AKAIN1: variants seen among roughly 807,000 people sequenced by gnomAD.
AKAIN1 encodes A-kinase anchor protein inhibitor 1.
A neutral mutation model predicts 3.7 loss-of-function variants in AKAIN1; 3 were observed. The observed-to-expected ratio is 0.82, with a 90% CI of 0.37 to 2.12. The LOEUF (loss-of-function observed/expected upper bound fraction) is 2.12. AKAIN1 is among the 30% of genes most tolerant of loss of function. The pLI is 0.06. For synonymous variants in AKAIN1, 31 were observed against 30.8 expected (o/e 1.01, Z -0.02); for missense variants, 82 against 82.7 (o/e 0.99, Z 0.03).
intron 1 of AKAIN1, among the ~76,000 whole-genome samples, chr18:5,156,857 T>C (rs419496): frequency 0.43 from 64,632 of 152,024 alleles, 15,961 homozygotes; most frequent in African/African-American, 0.69. Context: ...AAACTAATTC[T>C]TAATGATGAA....
upstream of AKAIN1, chr18:5,197,287 G>A: frequency 7.3e-7 from 1 of 1,371,212 alleles, no homozygotes; most frequent in Non-Finnish European, 9.3e-7. This position sits in a 1 kb window ranked among gnomAD's most constrained non-coding sequence, Gnocchi z 6.9. Context: ...GAGGAGGAGG[G>A]TGAATCCCCG....
chr18:5,156,656 CA>C (rs1424775161), intron 1 of AKAIN1, among the ~76,000 whole-genome samples: 1 of 152,170 alleles, frequency 6.6e-6, no homozygotes, highest in African/African-American at 2.4e-5. Flanking sequence ...TTAATCACAA[CA>C]GCCTCCATAT....
chr18:5,150,537 G>A (rs2071074224), intron 1 of AKAIN1, among the ~76,000 whole-genome samples: 2 of 152,194 alleles, frequency 1.3e-5, no homozygotes, highest in South Asian at 2.1e-4. Context: ...AATCGAGAAC[G>A]TGGTGTAACT....
intron 1 of AKAIN1, among the ~76,000 whole-genome samples, chr18:5,153,709 T>G (rs370995731): frequency 6.6e-6 from 1 of 152,248 alleles, no homozygotes; most frequent in Non-Finnish European, 1.5e-5. Context: ...GAAACAACTC[T>G]GTATGATAGA....
chr18:5,186,457 C>T (rs1012718648), intron 1 of AKAIN1, among the ~76,000 whole-genome samples: 9 of 152,046 alleles, frequency 5.9e-5, no homozygotes, highest in African/African-American at 2.2e-4. Context: ...GGGACACTCT[C>T]TAACAATAAA....
chr18:5,190,643 T>C (rs1429215619), intron 1 of AKAIN1, among the ~76,000 whole-genome samples: 2 of 152,148 alleles, frequency 1.3e-5, no homozygotes, highest in Non-Finnish European at 2.9e-5. Context: ...TATCATAGAC[T>C]GGGTAGCTTA....
intron 1 of AKAIN1, among the ~76,000 whole-genome samples, chr18:5,166,016 T>C (rs1427386008): frequency 6.6e-6 from 1 of 151,976 alleles, no homozygotes; most frequent in East Asian, 1.9e-4. Flanking sequence ...CCTCCAATAT[T>C]CAAATTTCTA....
chr18:5,188,029 G>T (rs2071297384), intron 1 of AKAIN1, among the ~76,000 whole-genome samples: 1 of 152,048 alleles, frequency 6.6e-6, no homozygotes, highest in African/African-American at 2.4e-5. Flanking sequence ...AGAAAAAAAG[G>T]GTTAACTGAC....
chr18:5,196,796 G>A (rs905350622), intron 1 of AKAIN1, among the ~76,000 whole-genome samples: 10 of 152,210 alleles, frequency 6.6e-5, no homozygotes, highest in African/African-American at 2.2e-4. Flanking sequence ...GAGCCAGATG[G>A]GAAGAGAAGC....
In AKAIN1 at chr18:5,170,909, C is replaced by A. The variant is rs575234384; in HGVS notation, c.17-25154G>T. On this transcript the variant is annotated intron_variant, in intron 1 of 1. Coordinates refer to ENST00000434239, the MANE Select transcript of AKAIN1 (RefSeq NM_001145194.2). The stretch of plus-strand genomic sequence containing the variant: ...TGCAAGTGTTCCAATCAACAGAACC[C>A]AGCTAAGATCTTGGCTGGTTGAACA... The A allele has an allele frequency of 4.6e-5, 7 of 152,290 alleles. No individual in the cohort carries two copies. The East Asian group carries it at 1.4e-3, about 29-fold the overall frequency. 9.4% of individuals were successfully genotyped at this position (152,290 alleles called of 1,614,324 possible).
intron 1 of AKAIN1, among the ~76,000 whole-genome samples, chr18:5,186,043 C>T (rs1756411861): frequency 6.6e-6 from 1 of 152,144 alleles, no homozygotes; most frequent in African/African-American, 2.4e-5. Context: ...ATGGATGCAG[C>T]TGGAGCTGTA....
At chr18:5,196,587 T>G (rs1264549810) in intron 1 of AKAIN1, among the ~76,000 whole-genome samples, 1 of 152,150 alleles carries the variant, frequency 6.6e-6, no homozygotes, top group Non-Finnish European at 1.5e-5. Flanking sequence ...CGCCTCCTTC[T>G]CCTCGGGAGG....
At chr18:5,157,527 T>C (rs1366782431) in intron 1 of AKAIN1, among the ~76,000 whole-genome samples, 1 of 152,102 alleles carries the variant, frequency 6.6e-6, no homozygotes, top group Non-Finnish European at 1.5e-5. Context: ...GTGTGACCAG[T>C]CCCTGTCTTT....
chr18:5,174,697 G>A (rs1461081286), intron 1 of AKAIN1, among the ~76,000 whole-genome samples: 1 of 152,012 alleles, frequency 6.6e-6, no homozygotes, highest in Non-Finnish European at 1.5e-5. Flanking sequence ...GCTGAGACTA[G>A]GCTACTCCTC....
At chr18:5,156,205 G>T (rs1170361793) in intron 1 of AKAIN1, among the ~76,000 whole-genome samples, 3 of 152,042 alleles carry the variant, frequency 2.0e-5, no homozygotes, top group African/African-American at 7.2e-5. Flanking sequence ...AGGAGGGAGG[G>T]AACCAATATG....
chr18:5,174,102 T>A (rs1219383726), intron 1 of AKAIN1, among the ~76,000 whole-genome samples: 1 of 152,096 alleles, frequency 6.6e-6, no homozygotes, highest in Non-Finnish European at 1.5e-5. Flanking sequence ...TGAACATCCT[T>A]TTTTAAGACT....
At chr18:5,155,834 T>C (rs1391336959) in intron 1 of AKAIN1, among the ~76,000 whole-genome samples, 2 of 152,198 alleles carry the variant, frequency 1.3e-5, no homozygotes, top group Non-Finnish European at 2.9e-5. Flanking sequence ...TCTTTCCCAC[T>C]GCAGGACCTT....
chr18:5,194,123 A>T (rs929453669), intron 1 of AKAIN1, among the ~76,000 whole-genome samples: 3 of 152,176 alleles, frequency 2.0e-5, no homozygotes, highest in Non-Finnish European at 4.4e-5. Context: ...ATTAATATAT[A>T]TGTATACTTT....
intron 1 of AKAIN1, among the ~76,000 whole-genome samples, chr18:5,190,845 T>C (rs978307971): frequency 1.3e-5 from 2 of 152,130 alleles, no homozygotes; most frequent in Non-Finnish European, 2.9e-5. Context: ...GTTCCATTTA[T>C]AAGGGTCCCA....
Sources: allele counts gnomAD v4.1 joint callset (sites outside exome capture counted in the v4.1 genomes callset), GRCh38; gene constraint gnomAD v4.1.1; non-coding constraint Gnocchi (gnomAD v3.1); transcripts MANE v1.5; gene names NCBI Gene and HGNC (gene_info 2026-07-23, HGNC 2026-07-21).